MTA3: variants seen among roughly 807,000 people sequenced by gnomAD.
MTA3 encodes the protein metastasis-associated protein MTA3.
In MTA3, 34 loss-of-function variants were observed where a neutral mutation model predicts 83.5. The observed-to-expected ratio is 0.41, with a 90% CI of 0.31 to 0.54. MTA3 has a LOEUF of 0.54. MTA3 is among the 20% of genes least tolerant of loss of function. The pLI, the probability that MTA3 is intolerant of heterozygous loss-of-function variation, is 0.33. For missense variants in MTA3, 761 were observed against 726.4 expected (o/e 1.05, Z -0.55); for synonymous variants, 303 against 252.7 (o/e 1.20, Z -1.89).
chr2:42,561,531 C>A (rs1677675443), intron 2 of MTA3, among the ~76,000 whole-genome samples: 2 of 152,046 alleles, frequency 1.3e-5, no homozygotes, highest in Admixed American at 6.6e-5. Flanking sequence ...CCATGTTGGC[C>A]AGGCTGGTCT....
At chr2:42,638,661 ATTG>A (rs1490779839) in intron 4 of MTA3, among the ~76,000 whole-genome samples, 3 of 151,508 alleles carry the variant, frequency 2.0e-5, no homozygotes, top group East Asian at 1.9e-4. Flanking sequence ...GCTGGGCACA[ATTG>A]TTGTCTTTTC....
intron 9 of MTA3, among the ~76,000 whole-genome samples, chr2:42,691,266 T>C (rs1340905922): frequency 1.3e-5 from 2 of 152,166 alleles, no homozygotes; most frequent in Non-Finnish European, 2.9e-5. Context: ...TGCCTCAGCC[T>C]CCCAAAGTGC....
At chr2:42,692,517 C>T (rs915007952) in intron 9 of MTA3, among the ~76,000 whole-genome samples, 7 of 151,834 alleles carry the variant, frequency 4.6e-5, no homozygotes, top group African/African-American at 1.2e-4. Flanking sequence ...CTCCACCTCC[C>T]GGGTTCAAGC....
intron 2 of MTA3, among the ~76,000 whole-genome samples, chr2:42,501,858 A>T (rs925801392): frequency 7.9e-5 from 12 of 152,182 alleles, no homozygotes; most frequent in African/African-American, 2.9e-4. Flanking sequence ...CATGCTTGTA[A>T]TCCCAGCTGC....
At chr2:42,736,841 G>A (rs1168360558) in intron 16 of MTA3, among the ~76,000 whole-genome samples, 1 of 152,142 alleles carries the variant, frequency 6.6e-6, no homozygotes, top group Non-Finnish European at 1.5e-5. Flanking sequence ...TCAGCAGCTG[G>A]TGAATCCTGC....
chr2:42,538,800 CCT>C (rs1189460725), intron 2 of MTA3, among the ~76,000 whole-genome samples: 2 of 143,068 alleles, frequency 1.4e-5, no homozygotes, highest in African/African-American at 2.6e-5. Flanking sequence ...CGGAGTCTCG[CCT>C]TGTCGCCCAG....
At chr2:42,709,428 A>G (rs1442284226) in intron 14 of MTA3, 3 of 508,862 alleles carry the variant, frequency 5.9e-6, no homozygotes, top group South Asian at 5.4e-5. Flanking sequence ...CCTTTTAGGT[A>G]GTGCCACAAT....
chr2:42,593,591 G>A (rs1288348642), intron 3 of MTA3, among the ~76,000 whole-genome samples: 4 of 152,168 alleles, frequency 2.6e-5, no homozygotes, highest in Non-Finnish European at 4.4e-5. Flanking sequence ...TTAAGGGACC[G>A]TTGTTCATAT....
chr2:42,525,475 A>ATTCCTTCCTTCCTTCCTTCCTTCC (rs61038484), intron 2 of MTA3, among the ~76,000 whole-genome samples: 5 of 135,506 alleles, frequency 3.7e-5, no homozygotes, highest in South Asian at 2.5e-4. Flanking sequence ...GCTAGGATCA[A>ATTCCTTCCTTCCTTCCTTCCTTCC]TTCCTTCCTT....
Position 42,695,792 on chromosome 2 carries a change from A to G in MTA3, c.919A>G (p.Ile307Val), listed in dbSNP as rs781591807. The G allele has an allele frequency of 5.7e-6, 9 of 1,579,572 alleles. No homozygotes were observed. The highest frequency in any genetic ancestry group is 7.7e-6 in the Non-Finnish European group (9 of 1,163,906). The change falls in exon 10 of 17, where the codon ATT (isoleucine) becomes GTT (valine). Residue 307 changes from isoleucine to valine, a missense_variant. Transcript: ENST00000405094. ...TCCTTGGAAATCATTGACTAGCATC[A>G]TTGAATATTATTACATGTGGAAAAC... ...FLPWKSLTSI[I>V]EYYYMWKTTD... is the part of the protein sequence containing the mutation.
intron 9 of MTA3, among the ~76,000 whole-genome samples, chr2:42,688,026 C>T (rs888980213): frequency 6.6e-6 from 1 of 152,186 alleles, no homozygotes; most frequent in African/African-American, 2.4e-5. Flanking sequence ...CTCATGCTGT[C>T]GTATTTTGCT....
At chr2:42,577,539 G>T (rs1477048100) in intron 2 of MTA3, among the ~76,000 whole-genome samples, 1 of 150,686 alleles carries the variant, frequency 6.6e-6, no homozygotes, top group Non-Finnish European at 1.5e-5. Context: ...GGAGTGCAGT[G>T]GTGTGGTCTT....
chr2:42,547,618 C>T lies in MTA3; in HGVS notation c.-140-22819C>T, dbSNP rs1009510325. Among the ~76,000 whole-genome samples the T allele has an allele frequency of 8.5e-5, 13 of 152,182 alleles. 1 individual carries two copies. Among genetic ancestry groups the T allele is most frequent in the Admixed American group, 6.5e-5 (1 of 15,270 alleles). On this transcript the variant is annotated intron_variant, in intron 2 of 17. Transcript: ENST00000405592. ...AGCGCTGGGATTACAGGCGTCAACC[C>T]CCGCGCCTGGAGGCATTTGTCTTAT...
At chr2:42,740,217 A>C (rs890312202) in intron 16 of MTA3, among the ~76,000 whole-genome samples, 1 of 152,252 alleles carries the variant, frequency 6.6e-6, no homozygotes, top group Admixed American at 6.5e-5. Flanking sequence ...TTGAAAGTTA[A>C]ACTTATTCCT....
chr2:42,546,608 C>T (rs1676769697), intron 2 of MTA3, among the ~76,000 whole-genome samples: 2 of 152,048 alleles, frequency 1.3e-5, no homozygotes, highest in African/African-American at 2.4e-5. Context: ...AAACTAGAGG[C>T]GTTTCTAGGT....
intron 4 of MTA3, among the ~76,000 whole-genome samples, chr2:42,625,364 C>T (rs1350360117): frequency 1.3e-5 from 2 of 151,584 alleles, no homozygotes; most frequent in African/African-American, 2.4e-5. Context: ...TCTTTTTTTC[C>T]CTTTTTTGGA....
chr2:42,689,745 T>G (rs555555556), intron 9 of MTA3, among the ~76,000 whole-genome samples: 1 of 151,882 alleles, frequency 6.6e-6, no homozygotes, highest in Non-Finnish European at 1.5e-5. Flanking sequence ...ACATCTACTC[T>G]CTCGTTCCTG....
chr2:42,722,826 T>C lies in MTA3; in HGVS notation c.1613-63T>C, dbSNP rs549531392. On this transcript the variant is annotated intron_variant, in intron 15 of 16. Transcript: ENST00000405094. ...AATAAGATGTGTGCCTATTAGCCAA[T>C]GTAAATGCACACAGATTTTTAATAT... 17 of 1,526,112 alleles carry C rather than the reference T, an allele frequency of 1.1e-5. No homozygotes were observed. In the East Asian group the frequency reaches 2.0e-4, roughly 18 times the overall value. The allele number at this position is 1,526,112 out of a possible 1,614,324, so 94.5% of individuals were successfully genotyped here.
At chr2:42,642,949 C>T (rs1307443500) in intron 5 of MTA3, among the ~76,000 whole-genome samples, 1 of 151,818 alleles carries the variant, frequency 6.6e-6, no homozygotes, top group Non-Finnish European at 1.5e-5. Flanking sequence ...CTGGCCTAAG[C>T]TGGTTGTTTT....
Sources: gnomAD v4.1 joint callset for allele counts (sites outside exome capture counted in the v4.1 genomes callset) on GRCh38, gnomAD v4.1.1 for gene constraint, MANE v1.5 for transcripts, NCBI Gene and HGNC (gene_info 2026-07-23, HGNC 2026-07-21) for gene names.